The following SLC4A10 variants were observed in gnomAD, a reference collection of about 807,000 sequenced individuals.
SLC4A10 encodes sodium-driven chloride bicarbonate exchanger.
SLC4A10 carries 42 observed loss-of-function variants against 137.7 expected under a neutral mutation model. That is an observed-to-expected ratio of 0.30 (90% CI 0.24 to 0.39). SLC4A10 has a LOEUF of 0.39. Among genes scored for constraint, SLC4A10 ranks in the 10% least tolerant of loss-of-function variants. The pLI is 1.00. For missense variants in SLC4A10, 925 were observed against 1,355.0 expected (o/e 0.68, Z 4.98); for synonymous variants, 474 against 464.1 (o/e 1.02, Z -0.27).
chr2:161,901,118 C>T (rs1307203930), intron 12 of SLC4A10, 107 bp downstream of exon 12: 1 of 819,260 alleles, frequency 1.2e-6, no homozygotes, highest in Admixed American at 2.2e-5. Flanking sequence ...CTTTTAATAC[C>T]TGCTTTTTGA....
chr2:161,921,280 G>A (rs956173096), intron 15 of SLC4A10, among the ~76,000 whole-genome samples: 1 of 152,188 alleles, frequency 6.6e-6, no homozygotes, highest in Non-Finnish European at 1.5e-5. Flanking sequence ...CACTAGATCT[G>A]AGAGTAGTTA....
At chr2:161,655,413 A>T (rs185525748) in intron 1 of SLC4A10, among the ~76,000 whole-genome samples, 1 of 152,328 alleles carries the variant, frequency 6.6e-6, no homozygotes, top group Non-Finnish European at 1.5e-5. Context: ...AGAAATGACG[A>T]GAATGGTCAT....
At chr2:161,732,210 C>T (rs57887363) in intron 1 of SLC4A10, among the ~76,000 whole-genome samples, 12,386 of 152,146 alleles carry the variant, frequency 0.081, 645 homozygotes, top group East Asian at 0.14. Flanking sequence ...TCAACTTAAC[C>T]TTTGGCATCT....
intron 2 of SLC4A10, among the ~76,000 whole-genome samples, chr2:161,786,093 G>C (rs1279436077): frequency 2.0e-5 from 3 of 151,688 alleles, no homozygotes; most frequent in South Asian, 4.2e-4. Context: ...TTATAAATCT[G>C]GGTGGTCAGG....
chr2:161,912,294 C>T (rs983471204), intron 15 of SLC4A10, among the ~76,000 whole-genome samples: 2 of 151,980 alleles, frequency 1.3e-5, no homozygotes, highest in Non-Finnish European at 2.9e-5. Context: ...TATCAGAGGG[C>T]GAGTGCTAAG....
At chr2:161,723,349 C>T (rs557536041) in intron 1 of SLC4A10, among the ~76,000 whole-genome samples, 4 of 152,236 alleles carry the variant, frequency 2.6e-5, no homozygotes, top group South Asian at 2.1e-4. Flanking sequence ...TGCTTTTTCT[C>T]GCTCTCCGTG....
chr2:161,649,520 T>C (rs1420166798), intron 1 of SLC4A10, among the ~76,000 whole-genome samples: 2 of 152,234 alleles, frequency 1.3e-5, no homozygotes, highest in East Asian at 1.9e-4. Context: ...GACTATTTTT[T>C]CTTACAGATT....
chr2:161,938,148 G>A (rs1349406233), intron 15 of SLC4A10, among the ~76,000 whole-genome samples: 1 of 152,122 alleles, frequency 6.6e-6, no homozygotes, highest in Non-Finnish European at 1.5e-5. Context: ...GCGATCATCT[G>A]CAGTCCTAGC....
At chr2:161,804,405 G>C (rs770850151) in intron 2 of SLC4A10, 44 bp from the exon 3 acceptor site, 2 of 1,587,566 alleles carry the variant, frequency 1.3e-6, no homozygotes, top group African/African-American at 2.7e-5. Context: ...TCTGTGCCCT[G>C]GAATAATTCA....
At chr2:161,860,980 T>TA (rs2060403857) in intron 5 of SLC4A10, among the ~76,000 whole-genome samples, 1 of 152,212 alleles carries the variant, frequency 6.6e-6, no homozygotes, top group South Asian at 2.1e-4. Flanking sequence ...TCAGCATCCT[T>TA]AAAAAAGTTT....
intron 3 of SLC4A10, among the ~76,000 whole-genome samples, chr2:161,827,432 T>C (rs1298683916): frequency 6.6e-6 from 1 of 152,174 alleles, no homozygotes. Flanking sequence ...TTCTGACAAC[T>C]CTCTTTTAAT....
chr2:161,958,377 ACTGTTT>A, intron 20 of SLC4A10, 104 bp from the exon 21 acceptor site: 1 of 790,132 alleles, frequency 1.3e-6, no homozygotes. Flanking sequence ...TCTGTACTAT[ACTGTTT>A]CTATTCAAAA....
intron 1 of SLC4A10, among the ~76,000 whole-genome samples, chr2:161,702,708 T>C (rs1172969818): frequency 6.6e-6 from 1 of 151,824 alleles, no homozygotes; most frequent in African/African-American, 2.4e-5. Context: ...AAAGTCTATG[T>C]CTACATTTAT....
chr2:161,965,464 G>A (rs943722381), intron 23 of SLC4A10, among the ~76,000 whole-genome samples: 1 of 152,114 alleles, frequency 6.6e-6, no homozygotes, highest in African/African-American at 2.4e-5. Context: ...CTCTCCTATG[G>A]ATGGCAGAAA....
chr2:161,807,530 C>A (rs552574888), intron 3 of SLC4A10, among the ~76,000 whole-genome samples: 2 of 152,250 alleles, frequency 1.3e-5, no homozygotes, highest in Admixed American at 1.3e-4. Context: ...TCCTTTCTTG[C>A]TGTGCAGCTA....
chr2:161,747,019 A>AT (rs758874602), intron 1 of SLC4A10, among the ~76,000 whole-genome samples: 14 of 151,818 alleles, frequency 9.2e-5, no homozygotes, highest in Admixed American at 4.6e-4. Flanking sequence ...TGATGCCTGG[A>AT]TTTGGGGGAG....
chr2:161,875,268 A>T (rs1163296430), intron 8 of SLC4A10, among the ~76,000 whole-genome samples: 1 of 152,146 alleles, frequency 6.6e-6, no homozygotes, highest in Admixed American at 6.6e-5. Context: ...TTATGATTTT[A>T]GTTTAGTAGT....
chr2:161,929,157 C>A lies in SLC4A10; in HGVS notation c.1998-13635C>A, dbSNP rs1253344002. On this transcript the variant is annotated intron_variant, in intron 15 of 26. Transcript: ENST00000446997. ...AGCAACCAAAAAAAAAGGATGTTTGCCACTTAATAAACAGATTCAGACAAT... is the reference window on the plus strand; with the variant it reads ...AGCAACCAAAAAAAAAGGATGTTTGACACTTAATAAACAGATTCAGACAAT... Among the ~76,000 whole-genome samples, 3 of 152,182 alleles carry A rather than the reference C, an allele frequency of 2.0e-5. No homozygotes were observed. The South Asian group carries it at 6.2e-4, about 32-fold the overall frequency.
chr2:161,626,616 T>C (rs1423488671), intron 1 of SLC4A10, among the ~76,000 whole-genome samples: 2 of 152,156 alleles, frequency 1.3e-5, no homozygotes, highest in Non-Finnish European at 2.9e-5. Flanking sequence ...CCAGTTGCTT[T>C]TATGAAAACC....
Sources: allele counts gnomAD v4.1 joint callset (sites outside exome capture counted in the v4.1 genomes callset), GRCh38; gene constraint gnomAD v4.1.1; transcripts MANE v1.5; gene names NCBI Gene and HGNC (gene_info 2026-07-23, HGNC 2026-07-21).